SMOC1: variants seen among roughly 807,000 people sequenced by gnomAD.
SMOC1 encodes SPARC related modular calcium binding 1, also known as SPARC-related modular calcium-binding protein 1.
Under a neutral mutation model 56.3 loss-of-function variants are expected in SMOC1, and 22 were observed. The observed-to-expected ratio is 0.39, with a 90% CI of 0.28 to 0.56. The LOEUF is 0.56. Among genes scored for constraint, SMOC1 ranks in the 20% least tolerant of loss-of-function variants. SMOC1 has a pLI of 0.61. For missense variants in SMOC1, 509 were observed against 565.4 expected, an observed-to-expected ratio of 0.90 and a Z score of 1.01; for synonymous variants, 193 against 215.0, an observed-to-expected ratio of 0.90 and a Z score of 0.89.
chr14:69,926,554 T>G (rs1885016905), intron 1 of SMOC1, among the ~76,000 whole-genome samples: 1 of 152,200 alleles, frequency 6.6e-6, no homozygotes. Context: ...TGGCCTCAGG[T>G]CCTAGGGGCT....
intron 1 of SMOC1, among the ~76,000 whole-genome samples, chr14:69,920,059 A>G (rs1420846401): frequency 6.6e-6 from 1 of 152,092 alleles, no homozygotes; most frequent in Admixed American, 6.5e-5. Context: ...GGCTGTTGCT[A>G]TGGACTGGAT....
At chr14:69,925,383 TC>T (rs1884983869) in intron 1 of SMOC1, among the ~76,000 whole-genome samples, 2 of 151,910 alleles carry the variant, frequency 1.3e-5, no homozygotes, top group African/African-American at 4.8e-5. Context: ...ACCATGATTG[TC>T]CCTAGATTTT....
At chr14:69,945,236 G>A (rs748449848) in intron 1 of SMOC1, among the ~76,000 whole-genome samples, 6 of 152,352 alleles carry the variant, frequency 3.9e-5, no homozygotes, top group Non-Finnish European at 8.8e-5. Context: ...ATAGATAAAT[G>A]ATAATGCAGT....
In SMOC1 at chr14:69,879,573, C is replaced by T; in HGVS notation, c.-106C>T. The T allele has an allele frequency of 1.1e-6, 1 of 914,272 alleles. No homozygotes were observed. Among genetic ancestry groups the T allele is most frequent in the Non-Finnish European group, 1.5e-6 (1 of 674,996 alleles). 56.6% of individuals were successfully genotyped at this position (914,272 alleles called of 1,614,324 possible). A position where few individuals can be genotyped will look rare whatever the true frequency, so the allele number is the denominator to read the frequency against. ...CCGCCGCAGGACCACGGCCCGCTCC[C>T]CGCCGCCGCGAGGGCCCCGAGCGAA... is the stretch of plus-strand genomic sequence containing the variant. On this transcript the variant is annotated 5_prime_UTR_variant, in exon 1 of 12. Transcript: ENST00000361956.
chr14:69,888,065 G>C (rs559854349), intron 1 of SMOC1, among the ~76,000 whole-genome samples: 8 of 152,320 alleles, frequency 5.3e-5, no homozygotes, highest in African/African-American at 1.9e-4. Flanking sequence ...TGCTGCTAGT[G>C]GTAGAGGATG....
intron 1 of SMOC1, among the ~76,000 whole-genome samples, chr14:69,925,572 C>T (rs1055585384): frequency 2.0e-5 from 3 of 152,090 alleles, no homozygotes; most frequent in Admixed American, 6.5e-5. Context: ...GTGCTTGTCC[C>T]GATCCCCTTA....
intron 6 of SMOC1, among the ~76,000 whole-genome samples, chr14:69,993,223 A>G (rs937928392): frequency 5.3e-5 from 8 of 152,020 alleles, no homozygotes; most frequent in African/African-American, 1.9e-4. Context: ...GGAGAGGAGA[A>G]ATTCTAGGTC....
chr14:69,937,246 A>G (rs1885318739), intron 1 of SMOC1, among the ~76,000 whole-genome samples: 1 of 152,210 alleles, frequency 6.6e-6, no homozygotes, highest in Non-Finnish European at 1.5e-5. Context: ...TGCAAAAGCA[A>G]GGGTCTCTCA....
At chr14:69,971,610 A>G (rs932126598) in intron 3 of SMOC1, among the ~76,000 whole-genome samples, 6 of 152,172 alleles carry the variant, frequency 3.9e-5, no homozygotes, top group Non-Finnish European at 7.4e-5. Context: ...CTAAAAGTTG[A>G]CCAACTTGAG....
At chr14:69,889,871 C>T (rs1883915053) in intron 1 of SMOC1, among the ~76,000 whole-genome samples, 1 of 152,246 alleles carries the variant, frequency 6.6e-6, no homozygotes, top group Non-Finnish European at 1.5e-5. Context: ...AATCTTTCCT[C>T]ATGCTGCCAG....
intron 3 of SMOC1, among the ~76,000 whole-genome samples, chr14:69,974,416 G>A (rs1163951189): frequency 6.6e-6 from 1 of 152,128 alleles, no homozygotes; most frequent in East Asian, 1.9e-4. Flanking sequence ...GCAAACAAAG[G>A]CTCAGAATCA....
At chr14:69,893,510 C>T (rs1566663311) in intron 1 of SMOC1, among the ~76,000 whole-genome samples, 2 of 152,092 alleles carry the variant, frequency 1.3e-5, no homozygotes, top group Non-Finnish European at 2.9e-5. Flanking sequence ...GGGAGGGGAA[C>T]CACCTTGGTT....
chr14:69,999,139 A>G (rs1348995403), intron 7 of SMOC1, among the ~76,000 whole-genome samples: 1 of 152,184 alleles, frequency 6.6e-6, no homozygotes, highest in African/African-American at 2.4e-5. Context: ...GTGTTTTCTC[A>G]TGTCACCTTA....
At chr14:69,964,237 G>A (rs974137822) in intron 3 of SMOC1, among the ~76,000 whole-genome samples, 3 of 152,114 alleles carry the variant, frequency 2.0e-5, no homozygotes, top group Non-Finnish European at 2.9e-5. Context: ...AGCTCTGGGC[G>A]GTATCTGCAG....
At chr14:70,025,303 T>C (rs931830929) in intron 11 of SMOC1, among the ~76,000 whole-genome samples, 3 of 152,186 alleles carry the variant, frequency 2.0e-5, no homozygotes, top group Non-Finnish European at 4.4e-5. Context: ...TTTTCCTTGT[T>C]CCTCAGTTGT....
chr14:70,022,446 A>C (rs1191248418), intron 10 of SMOC1, among the ~76,000 whole-genome samples: 1 of 152,226 alleles, frequency 6.6e-6, no homozygotes, highest in Non-Finnish European at 1.5e-5. Context: ...ATCACCTGGC[A>C]GTGCTGGTGA....
intron 1 of SMOC1, among the ~76,000 whole-genome samples, chr14:69,940,113 C>T (rs1469487160): frequency 2.0e-5 from 3 of 152,198 alleles, no homozygotes; most frequent in Non-Finnish European, 4.4e-5. Flanking sequence ...AAGTCTCTTG[C>T]GAAAACAATT....
At chr14:69,902,636 C>G (rs1342779659) in intron 1 of SMOC1, among the ~76,000 whole-genome samples, 1 of 152,160 alleles carries the variant, frequency 6.6e-6, no homozygotes, top group Non-Finnish European at 1.5e-5. Flanking sequence ...CTCCCTCTCC[C>G]TCTCTTTCCA....
Position 70,030,523 on chromosome 14 carries a change from G to C in SMOC1, c.*265G>C. On this transcript the variant is annotated 3_prime_UTR_variant, in exon 12 of 12. Coordinates refer to ENST00000361956, the MANE Select transcript of SMOC1 (RefSeq NM_001034852.3). ...ATTGTAAGTTTTTGGATCTGCTACTGACAACTTTTAGAGGGTTTTGGGGGG... is the reference window on the plus strand; with the variant it reads ...ATTGTAAGTTTTTGGATCTGCTACTCACAACTTTTAGAGGGTTTTGGGGGG... The C allele has an allele frequency of 5.4e-6, 1 of 184,702 alleles. No homozygotes were observed. 11.4% of individuals were successfully genotyped at this position (184,702 alleles called of 1,614,324 possible). A position where few individuals can be genotyped will look rare whatever the true frequency, so the allele number is the denominator to read the frequency against.
Sources: allele counts gnomAD v4.1 joint callset (sites outside exome capture counted in the v4.1 genomes callset), GRCh38; gene constraint gnomAD v4.1.1; transcripts MANE v1.5; gene names NCBI Gene and HGNC (gene_info 2026-07-23, HGNC 2026-07-21).